The following BCL7A variants were observed in gnomAD, a reference collection of about 807,000 sequenced individuals.
BCL7A encodes B-cell CLL/lymphoma 7 protein family member A.
BCL7A carries 11 observed loss-of-function variants against 28.4 expected under a neutral mutation model. That is an observed-to-expected ratio of 0.39 (90% CI 0.24 to 0.64). The LOEUF is 0.64. Among genes scored for constraint, BCL7A ranks in the 30% least tolerant of loss-of-function variants. The pLI is 0.50. For missense variants in BCL7A, 222 were observed against 274.8 expected (o/e 0.81, Z 1.36); for synonymous variants, 123 against 103.3 (o/e 1.19, Z -1.15).
rs561271741 is a variant in BCL7A, at chr12:122,061,282, G to C, written c.*2119G>C. 8.7e-6 allele frequency: 2 copies of C among 230,714 alleles called. No individual in the cohort carries two copies. Among genetic ancestry groups the C allele is most frequent in the East Asian group, 6.1e-5 (1 of 16,318 alleles). 14.3% of individuals were successfully genotyped at this position (230,714 alleles called of 1,614,324 possible). A position where few individuals can be genotyped will look rare whatever the true frequency, so the allele number is the denominator to read the frequency against. ...GGCGTAGGTGGCCCTGCCGTTGACC[G>C]CAGCCTCTCTGGACAGGCAAGGGGA... is the stretch of plus-strand genomic sequence containing the variant. On this transcript the variant is annotated 3_prime_UTR_variant, in exon 6 of 6. Coordinates refer to ENST00000261822, the MANE Select transcript of BCL7A (RefSeq NM_001024808.3).
chr12:122,024,006 G>A (rs566414832), intron 1 of BCL7A, among the ~76,000 whole-genome samples: 1 of 152,228 alleles, frequency 6.6e-6, no homozygotes, highest in African/African-American at 2.4e-5. Flanking sequence ...CACCCTGACA[G>A]CTGCTCCCGC....
chr12:122,030,030 A>G (rs1883708087), intron 1 of BCL7A, among the ~76,000 whole-genome samples: 1 of 152,134 alleles, frequency 6.6e-6, no homozygotes, highest in Non-Finnish European at 1.5e-5. Context: ...TTTGTAATGC[A>G]GCTGGGGTGA....
At chr12:122,025,116 G>A (rs1883588048) in intron 1 of BCL7A, among the ~76,000 whole-genome samples, 1 of 152,122 alleles carries the variant, frequency 6.6e-6, no homozygotes, top group African/African-American at 2.4e-5. Context: ...CCTCTTTTTG[G>A]GAAACTGGGC....
Position 122,043,929 on chromosome 12 carries a change from C to T in BCL7A, c.315C>T (p.Ile105=), listed in dbSNP as rs1884012727. Residue 105 remains isoleucine, a synonymous_variant, in exon 4 of 6, where the codon ATC becomes ATT. Coordinates refer to ENST00000261822, the MANE Select transcript of BCL7A (RefSeq NM_001024808.3). The part of the protein sequence containing the change: ...NQSSIADASP[I]KQENSSNSSP... ...GCTCCATCGCAGATGCCTCCCCCAT[C>T]AAACAGGAGAACAGCAGCAACTCCA... 6.2e-7 allele frequency: 1 copy of T among 1,613,984 alleles called. No individual in the cohort carries two copies. Among genetic ancestry groups the T allele is most frequent in the South Asian group, 1.1e-5 (1 of 91,084 alleles).
intron 3 of BCL7A, among the ~76,000 whole-genome samples, chr12:122,039,819 T>G (rs1340420080): frequency 6.6e-6 from 1 of 151,736 alleles, no homozygotes; most frequent in Non-Finnish European, 1.5e-5. Flanking sequence ...GCCACTGCAT[T>G]CCAGCCTGGG....
intron 1 of BCL7A, among the ~76,000 whole-genome samples, chr12:122,027,987 G>A (rs527531818): frequency 1.8e-4 from 28 of 152,268 alleles, no homozygotes; most frequent in African/African-American, 6.5e-4. Context: ...CAGCTGCTCC[G>A]CTGAACCCGT....
intron 1 of BCL7A, among the ~76,000 whole-genome samples, chr12:122,022,486 G>A (rs1883486886): frequency 1.4e-5 from 2 of 145,492 alleles, no homozygotes; most frequent in African/African-American, 2.5e-5. Context: ...CCGCCGCGGC[G>A]CTCGGCTCCC....
At chr12:122,030,204 C>T (rs374265812) in intron 1 of BCL7A, among the ~76,000 whole-genome samples, 13 of 152,336 alleles carry the variant, frequency 8.5e-5, no homozygotes, top group Admixed American at 4.6e-4. Flanking sequence ...AGAGTGTGGG[C>T]GGCTCCCCGG....
intron 4 of BCL7A, among the ~76,000 whole-genome samples, chr12:122,051,620 TC>T (rs1318473676): frequency 7.9e-5 from 12 of 152,170 alleles, no homozygotes; most frequent in African/African-American, 2.9e-4. Flanking sequence ...CGGGCACCTC[TC>T]TGCCCAGCAC....
chr12:122,021,971 T>G lies in BCL7A; in HGVS notation c.-121T>G. 1.5e-6 allele frequency: 1 copy of G among 678,628 alleles called. No homozygotes were observed. The highest frequency in any genetic ancestry group is 2.5e-6 in the Non-Finnish European group (1 of 394,982). 42.0% of individuals were successfully genotyped at this position (678,628 alleles called of 1,614,324 possible). A position where few individuals can be genotyped will look rare whatever the true frequency, so the allele number is the denominator to read the frequency against. On this transcript the variant is annotated 5_prime_UTR_variant, in exon 1 of 6. Coordinates refer to ENST00000261822, the MANE Select transcript of BCL7A (RefSeq NM_001024808.3). ...GTGTGTGTGTGTGAGTGTGTGCGTGTGAGAGTGCGAGTGTCTGTGCGCGAG... is the reference window on the plus strand; with the variant it reads ...GTGTGTGTGTGTGAGTGTGTGCGTGGGAGAGTGCGAGTGTCTGTGCGCGAG...
intron 3 of BCL7A, among the ~76,000 whole-genome samples, chr12:122,042,908 C>T (rs1883989164): frequency 3.3e-5 from 5 of 152,132 alleles, no homozygotes; most frequent in Admixed American, 3.3e-4. Context: ...CAAAGTGTTA[C>T]AGCTGGCACG....
intron 2 of BCL7A, among the ~76,000 whole-genome samples, chr12:122,032,389 G>T (rs982941313): frequency 1.3e-5 from 2 of 152,242 alleles, no homozygotes; most frequent in Non-Finnish European, 2.9e-5. Flanking sequence ...CCATGTCTGT[G>T]CCTTGCCCGC....
At chr12:122,035,829 T>A (rs1883839116) in intron 3 of BCL7A, among the ~76,000 whole-genome samples, 1 of 152,098 alleles carries the variant, frequency 6.6e-6, no homozygotes, top group South Asian at 2.1e-4. Flanking sequence ...AACTGGATTT[T>A]GTTTGTTTGT....
At chr12:122,024,800 A>T (rs1163556058) in intron 1 of BCL7A, among the ~76,000 whole-genome samples, 1 of 152,164 alleles carries the variant, frequency 6.6e-6, no homozygotes, top group African/African-American at 2.4e-5. Context: ...AACATTATCT[A>T]ATTTATCTGA....
intron 4 of BCL7A, among the ~76,000 whole-genome samples, chr12:122,049,374 A>T (rs12812519): frequency 0.48 from 73,340 of 151,704 alleles, 17,937 homozygotes; most frequent in Middle Eastern, 0.6. Context: ...TGGGATAAGC[A>T]ATTGGGTCTT....
intron 3 of BCL7A, among the ~76,000 whole-genome samples, chr12:122,040,665 C>T (rs1883947660): frequency 6.6e-6 from 1 of 151,750 alleles, no homozygotes; most frequent in Non-Finnish European, 1.5e-5. Context: ...CATTTTAGTG[C>T]ACGTGCAGCC....
intron 3 of BCL7A, among the ~76,000 whole-genome samples, chr12:122,042,601 G>C (rs962764680): frequency 1.3e-5 from 2 of 148,810 alleles, no homozygotes; most frequent in African/African-American, 5.0e-5. Flanking sequence ...AGCGAGCCCA[G>C]ATCGCGCCAT....
chr12:122,032,570 GA>G (rs1284808068), intron 2 of BCL7A, among the ~76,000 whole-genome samples: 7 of 152,168 alleles, frequency 4.6e-5, no homozygotes, highest in Non-Finnish European at 8.8e-5. Context: ...CATCGGGAAG[GA>G]CCGGGCAGCT....
chr12:122,039,736 C>T (rs1014624819), intron 3 of BCL7A, among the ~76,000 whole-genome samples: 5 of 151,106 alleles, frequency 3.3e-5, no homozygotes, highest in Non-Finnish European at 7.4e-5. Flanking sequence ...GCCTGTAATC[C>T]CAGCTACTTG....
Sources: gnomAD v4.1 joint callset for allele counts (sites outside exome capture counted in the v4.1 genomes callset) on GRCh38, gnomAD v4.1.1 for gene constraint, MANE v1.5 for transcripts, NCBI Gene and HGNC (gene_info 2026-07-23, HGNC 2026-07-21) for gene names.